NAALADL2: variants seen among roughly 807,000 people sequenced by gnomAD.
NAALADL2 encodes N-acetylated alpha-linked acidic dipeptidase like 2, also known as inactive N-acetylated-alpha-linked acidic dipeptidase-like protein 2.
NAALADL2 carries 76 observed loss-of-function variants against 87.2 expected under a neutral mutation model. The ratio of observed to expected loss-of-function variants is 0.87; its 90% CI spans 0.72 to 1.05. The LOEUF is 1.05. Among genes scored for constraint, NAALADL2 ranks in the 50% least tolerant of loss-of-function variants. The probability of loss-of-function intolerance (pLI) is 0.00; values close to 1 mark genes in which losing one functional copy is unlikely to be tolerated. For synonymous variants in NAALADL2, 354 were observed against 331.0 expected (o/e 1.07, Z -0.75); for missense variants, 1,089 against 945.8 (o/e 1.15, Z -1.99).
chr3:174,741,611 T>C (rs992848901), intron 3 of NAALADL2, among the ~76,000 whole-genome samples: 3 of 151,572 alleles, frequency 2.0e-5, no homozygotes, highest in African/African-American at 7.2e-5. Context: ...AAAAACAATA[T>C]TCATATAGTG....
intron 1 of NAALADL2, among the ~76,000 whole-genome samples, chr3:174,507,942 G>A (rs1258427482): frequency 6.6e-6 from 1 of 151,962 alleles, no homozygotes; most frequent in Non-Finnish European, 1.5e-5. Flanking sequence ...GTTGAAGTAA[G>A]TATATGTTTA....
intron 1 of NAALADL2, among the ~76,000 whole-genome samples, chr3:174,874,647 T>C (rs1287653123): frequency 6.6e-6 from 1 of 152,164 alleles, no homozygotes; most frequent in African/African-American, 2.4e-5. Context: ...AAAATAACCT[T>C]GACTGGGAGT....
intron 5 of NAALADL2, among the ~76,000 whole-genome samples, chr3:175,346,406 T>C (rs1239955313): frequency 1.3e-5 from 2 of 152,196 alleles, no homozygotes; most frequent in Admixed American, 1.3e-4. Context: ...TTCCATATGC[T>C]GTGCCCATCT....
chr3:175,800,959 G>T (rs1000199609), intron 13 of NAALADL2, among the ~76,000 whole-genome samples: 2 of 152,262 alleles, frequency 1.3e-5, no homozygotes, highest in African/African-American at 4.8e-5. Flanking sequence ...CAGGGTTCTG[G>T]CTTAGGGCAT....
intron 2 of NAALADL2, among the ~76,000 whole-genome samples, chr3:175,216,045 C>T (rs1180414569): frequency 6.6e-6 from 1 of 152,130 alleles, no homozygotes; most frequent in East Asian, 1.9e-4. Context: ...TTGTAATCAT[C>T]CTTTCCAAAG....
intron 2 of NAALADL2, among the ~76,000 whole-genome samples, chr3:175,182,444 G>T (rs1160036856): frequency 2.0e-5 from 3 of 151,172 alleles, no homozygotes; most frequent in Non-Finnish European, 4.4e-5. Context: ...CTGGAGTGCA[G>T]TGACATGATT....
chr3:175,603,826 T>TA (rs373563836), intron 10 of NAALADL2, among the ~76,000 whole-genome samples: 30 of 150,940 alleles, frequency 2.0e-4, no homozygotes, highest in South Asian at 6.3e-4. Context: ...ACCCCATCTA[T>TA]AAAAAAAAAC....
In NAALADL2 at chr3:175,806,718, T is replaced by A. The variant is rs1048248614; in HGVS notation, c.*3515T>A. The A allele has an allele frequency of 7.0e-6, 1 of 143,690 alleles. No homozygotes were observed. Among genetic ancestry groups the A allele is most frequent in the Non-Finnish European group, 1.5e-5 (1 of 65,824 alleles). 8.9% of individuals were successfully genotyped at this position (143,690 alleles called of 1,614,324 possible). On this transcript the variant is annotated 3_prime_UTR_variant, in exon 14 of 14. Coordinates refer to ENST00000454872, the MANE Select transcript of NAALADL2 (RefSeq NM_207015.3). ...TTTTTTTTTTTTTTTTTTTTTTAATTCCCACAACAACCCATTTCAAAATGA... is the reference window on the plus strand; with the variant it reads ...TTTTTTTTTTTTTTTTTTTTTTAATACCCACAACAACCCATTTCAAAATGA...
intron 3 of NAALADL2, among the ~76,000 whole-genome samples, chr3:174,849,143 T>C (rs1017346318): frequency 2.6e-5 from 4 of 152,288 alleles, no homozygotes; most frequent in Non-Finnish European, 4.4e-5. Flanking sequence ...GGTGAGTGAA[T>C]GCAAAGAACT....
rs532875170 is a variant in NAALADL2, at chr3:175,562,648, AT to A, written c.1654-13389del. The stretch of plus-strand genomic sequence containing the variant: ...TAGAAATTGCTCTGTAAATAAAGGA[AT>A]TTTATTAAGAAAAAATATAATTTAG... On this transcript the variant is annotated intron_variant, in intron 9 of 13. Transcript: ENST00000454872. Among the ~76,000 whole-genome samples the A allele has an allele frequency of 2.5e-4, 38 of 152,106 alleles. No homozygotes were observed. In the East Asian group the frequency reaches 7.1e-3, roughly 29 times the overall value.
At chr3:175,250,236 T>C (rs1248408223) in intron 3 of NAALADL2, among the ~76,000 whole-genome samples, 2 of 140,580 alleles carry the variant, frequency 1.4e-5, no homozygotes, top group African/African-American at 5.3e-5. Context: ...TTGCTCTCTC[T>C]TTTTCTCTCA....
chr3:175,619,696 C>G (rs1372961112), intron 10 of NAALADL2, among the ~76,000 whole-genome samples: 1 of 151,746 alleles, frequency 6.6e-6, no homozygotes, highest in Non-Finnish European at 1.5e-5. Flanking sequence ...TGGTTTGCAA[C>G]GACACCCTTA....
chr3:174,805,210 C>T (rs1719321447), intron 3 of NAALADL2, among the ~76,000 whole-genome samples: 1 of 152,056 alleles, frequency 6.6e-6, no homozygotes, highest in Non-Finnish European at 1.5e-5. Context: ...GTGGTTGCTT[C>T]CTACTTATTA....
rs375801409 is a variant in NAALADL2 at position 175,245,756 on chromosome 3, C to T, written c.820-10655C>T. 4.8e-4 allele frequency among the ~76,000 whole-genome samples: 73 copies of T among 152,288 alleles called. 1 individual carries two copies. Among genetic ancestry groups the T allele is most frequent in the South Asian group, 1.9e-3 (9 of 4,818 alleles). On this transcript the variant is annotated intron_variant, in intron 3 of 13. Coordinates refer to ENST00000454872, the MANE Select transcript of NAALADL2 (RefSeq NM_207015.3). The stretch of plus-strand genomic sequence containing the variant: ...ACAGCAAAATTGATTGTATATCTTA[C>T]GCTTAATTCTGAATTCTGCAGGAAT...
At chr3:175,678,424 C>T (rs1247505041) in intron 11 of NAALADL2, among the ~76,000 whole-genome samples, 3 of 152,060 alleles carry the variant, frequency 2.0e-5, no homozygotes, top group Admixed American at 6.6e-5. Flanking sequence ...TACATGCACA[C>T]GTATGTTTAT....
At chr3:174,599,803 T>A (rs1335871263) in intron 2 of NAALADL2, among the ~76,000 whole-genome samples, 1 of 152,166 alleles carries the variant, frequency 6.6e-6, no homozygotes, top group Non-Finnish European at 1.5e-5. Flanking sequence ...AAGACTGCTT[T>A]CGTCAACAAA....
intron 10 of NAALADL2, among the ~76,000 whole-genome samples, chr3:175,613,707 T>C (rs1024282227): frequency 6.6e-6 from 1 of 152,300 alleles, no homozygotes; most frequent in Admixed American, 6.5e-5. Context: ...TTTTACTGCT[T>C]GGGCAAGATA....
chr3:174,571,500 C>T (rs912878952), intron 2 of NAALADL2, among the ~76,000 whole-genome samples: 4 of 152,158 alleles, frequency 2.6e-5, no homozygotes, highest in African/African-American at 9.7e-5. Context: ...CTGCCTCAGC[C>T]TCCCGAGTAG....
intron 2 of NAALADL2, among the ~76,000 whole-genome samples, chr3:175,181,640 A>G (rs912914449): frequency 1.3e-5 from 2 of 149,068 alleles, no homozygotes; most frequent in Middle Eastern, 3.5e-3. Flanking sequence ...AAATGACAAC[A>G]TACCTTTCTT....
Sources: allele counts gnomAD v4.1 joint callset (sites outside exome capture counted in the v4.1 genomes callset), GRCh38; gene constraint gnomAD v4.1.1; transcripts MANE v1.5; gene names NCBI Gene and HGNC (gene_info 2026-07-23, HGNC 2026-07-21).